GALNTL6: variants seen among roughly 807,000 people sequenced by gnomAD.
The protein encoded by GALNTL6 is polypeptide N-acetylgalactosaminyltransferase-like 6.
Under a neutral mutation model 73.7 loss-of-function variants are expected in GALNTL6, and 46 were observed. That is an observed-to-expected ratio of 0.62 (90% CI 0.49 to 0.80). GALNTL6 has a LOEUF of 0.80. GALNTL6 is among the 30% of genes least tolerant of loss of function. The probability of loss-of-function intolerance (pLI) is 0.00; values close to 1 mark genes in which losing one functional copy is unlikely to be tolerated. For missense variants in GALNTL6, 604 were observed against 755.0 expected (o/e 0.80, Z 2.34); for synonymous variants, 259 against 263.7 (o/e 0.98, Z 0.17).
intron 2 of GALNTL6, among the ~76,000 whole-genome samples, chr4:172,125,954 A>T (rs950663540): frequency 6.6e-6 from 1 of 152,010 alleles, no homozygotes; most frequent in Non-Finnish European, 1.5e-5. Context: ...TTTCCTTCTT[A>T]TACTTTCTCT....
At position 171,980,532 on chromosome 4, in the gene GALNTL6, G is replaced by A. The variant is rs531157926; in HGVS notation, c.138+165814G>A. ...TCTGCATGTAAATCCACATCTACCC[G>A]CACCACTGTGAAACTGCAGTGTGTA... On this transcript the variant is annotated intron_variant, in intron 2 of 12. Coordinates refer to ENST00000506823, the MANE Select transcript of GALNTL6 (RefSeq NM_001034845.3). Among the ~76,000 whole-genome samples, 29 of 152,236 alleles carry A rather than the reference G, an allele frequency of 1.9e-4. No homozygotes were observed. The Middle Eastern group carries it at 0.017, about 90-fold the overall frequency.
At chr4:172,181,575 G>A (rs1025207293) in intron 2 of GALNTL6, among the ~76,000 whole-genome samples, 16 of 152,168 alleles carry the variant, frequency 1.1e-4, no homozygotes, top group East Asian at 7.7e-4. Context: ...CCTATTCAAC[G>A]TAGTATTGGA....
chr4:171,818,317 T>C (rs1237922537), intron 2 of GALNTL6, among the ~76,000 whole-genome samples: 1 of 151,784 alleles, frequency 6.6e-6, no homozygotes, highest in African/African-American at 2.4e-5. Flanking sequence ...TGAAAAAAAA[T>C]CTAGCACCAA....
intron 2 of GALNTL6, among the ~76,000 whole-genome samples, chr4:171,960,688 TAAAAA>T (rs201299722): frequency 0.22 from 28,716 of 129,380 alleles, 3,025 homozygotes; most frequent in Middle Eastern, 0.29. Flanking sequence ...TGTCTTTATT[TAAAAA>T]AAAAAAAAAA....
intron 7 of GALNTL6, among the ~76,000 whole-genome samples, chr4:172,817,426 A>C (rs995251519): frequency 6.6e-6 from 1 of 152,104 alleles, no homozygotes; most frequent in Non-Finnish European, 1.5e-5. Flanking sequence ...TATTGCAAAA[A>C]AAAAAAGTTG....
intron 9 of GALNTL6, among the ~76,000 whole-genome samples, chr4:172,949,914 A>G (rs982974830): frequency 3.3e-5 from 5 of 151,954 alleles, no homozygotes; most frequent in African/African-American, 4.8e-5. Flanking sequence ...GTCTCAAAAA[A>G]AAAAAAGAAA....
chr4:172,268,374 A>G (rs1738522328), intron 3 of GALNTL6, among the ~76,000 whole-genome samples: 1 of 152,192 alleles, frequency 6.6e-6, no homozygotes, highest in South Asian at 2.1e-4. Flanking sequence ...CTGCTGTGTA[A>G]TCTCAGCAAA....
chr4:171,852,994 C>CT lies in GALNTL6; in HGVS notation c.138+38276_138+38277insT, dbSNP rs553769010. Reference sequence around the variant, plus strand: ...CCCGAGTAGCTGGGACTACAGGCGCCGCCACCACGCCCGGCTAATTTTTTT... The same window carrying CT: ...CCCGAGTAGCTGGGACTACAGGCGCCTGCCACCACGCCCGGCTAATTTTTTT... On this transcript the variant is annotated intron_variant, in intron 2 of 12. Coordinates refer to ENST00000506823, the MANE Select transcript of GALNTL6 (RefSeq NM_001034845.3). Among the ~76,000 whole-genome samples, 289 of 150,550 alleles carry CT rather than the reference C, an allele frequency of 1.9e-3. 1 individual carries two copies. The highest frequency in any genetic ancestry group is 3.5e-3 in the Middle Eastern group (1 of 288).
At chr4:171,953,222 G>A (rs927312980) in intron 2 of GALNTL6, among the ~76,000 whole-genome samples, 6 of 124,974 alleles carry the variant, frequency 4.8e-5, no homozygotes, top group East Asian at 4.5e-4. Flanking sequence ...GTGCGCATGC[G>A]CACGTGTGTG....
At chr4:172,754,931 G>C (rs961226502) in intron 5 of GALNTL6, among the ~76,000 whole-genome samples, 1 of 151,854 alleles carries the variant, frequency 6.6e-6, no homozygotes, top group Admixed American at 6.6e-5. Flanking sequence ...AAGATCTTTT[G>C]TGGTTCCTAA....
At chr4:172,131,740 T>C (rs181011540) in intron 2 of GALNTL6, among the ~76,000 whole-genome samples, 1 of 152,022 alleles carries the variant, frequency 6.6e-6, no homozygotes, top group African/African-American at 2.4e-5. Flanking sequence ...GAGTAGATGA[T>C]AAATTCCTTG....
chr4:172,554,038 A>G (rs1736056899), intron 5 of GALNTL6, among the ~76,000 whole-genome samples: 1 of 152,206 alleles, frequency 6.6e-6, no homozygotes, highest in Non-Finnish European at 1.5e-5. Flanking sequence ...AAAGGAAAGA[A>G]AAGAAAACAA....
chr4:171,979,311 A>C (rs1579026455), intron 2 of GALNTL6, among the ~76,000 whole-genome samples: 1 of 152,328 alleles, frequency 6.6e-6, no homozygotes, highest in African/African-American at 2.4e-5. Context: ...TACAGAAAAC[A>C]TTGTAATTTC....
At chr4:172,692,233 A>G (rs1422979200) in intron 5 of GALNTL6, among the ~76,000 whole-genome samples, 1 of 152,118 alleles carries the variant, frequency 6.6e-6, no homozygotes, top group African/African-American at 2.4e-5. Flanking sequence ...TTCACTTTCT[A>G]ATATCAAGTA....
chr4:172,815,387 T>G (rs1741542955), intron 7 of GALNTL6, among the ~76,000 whole-genome samples: 1 of 152,166 alleles, frequency 6.6e-6, no homozygotes, highest in Non-Finnish European at 1.5e-5. Context: ...AGAACTGTTA[T>G]TAGGTGCTGG....
intron 5 of GALNTL6, among the ~76,000 whole-genome samples, chr4:172,633,874 T>G (rs142119428): frequency 6.6e-6 from 1 of 152,172 alleles, no homozygotes; most frequent in African/African-American, 2.4e-5. Context: ...TAAATGGGAG[T>G]TCCCCTGCAT....
In GALNTL6 at chr4:172,596,175, G is replaced by A. The variant is rs554389723; in HGVS notation, c.554-213186G>A. On this transcript the variant is annotated intron_variant, in intron 5 of 12. Transcript: ENST00000506823. Reference sequence around the variant, plus strand: ...TAGAATGTGTTAAAGAGTGTGACTGGCCAGGTGTGGTGGCTTATGCCTGTA... The same window carrying A: ...TAGAATGTGTTAAAGAGTGTGACTGACCAGGTGTGGTGGCTTATGCCTGTA... 3.9e-5 allele frequency among the ~76,000 whole-genome samples: 6 copies of A among 152,114 alleles called. 1 individual carries two copies. In the South Asian group the frequency reaches 8.3e-4, roughly 21 times the overall value.
chr4:172,067,214 T>C (rs1442868640), intron 2 of GALNTL6, among the ~76,000 whole-genome samples: 1 of 152,034 alleles, frequency 6.6e-6, no homozygotes, highest in African/African-American at 2.4e-5. Flanking sequence ...AAGAAATCAA[T>C]TTTTTGCTAG....
chr4:172,516,416 C>T (rs1301217212), intron 5 of GALNTL6, among the ~76,000 whole-genome samples: 2 of 152,084 alleles, frequency 1.3e-5, no homozygotes, highest in Non-Finnish European at 2.9e-5. Flanking sequence ...ATTATTGAAT[C>T]GAGTAATATT....
Sources: gnomAD v4.1 joint callset for allele counts (sites outside exome capture counted in the v4.1 genomes callset) on GRCh38, gnomAD v4.1.1 for gene constraint, MANE v1.5 for transcripts, NCBI Gene and HGNC (gene_info 2026-07-23, HGNC 2026-07-21) for gene names.